The following STK35 variants were observed in gnomAD, a reference collection of about 807,000 sequenced individuals.
STK35 encodes serine/threonine kinase 35, also known as serine/threonine-protein kinase 35.
A neutral mutation model predicts 37.3 loss-of-function variants in STK35; 17 were observed. The ratio of observed to expected loss-of-function variants is 0.46; its 90% CI spans 0.31 to 0.68. The LOEUF is 0.68. Ranked by LOEUF, STK35 falls within the 30% of genes least tolerant of loss-of-function variation. STK35 has a pLI of 0.05. For synonymous variants in STK35, 385 were observed against 319.1 expected, an observed-to-expected ratio of 1.21 and a Z score of -2.20; for missense variants, 595 against 746.7, an observed-to-expected ratio of 0.80 and a Z score of 2.37.
At chr20:2,132,061 C>T (rs1388463720) in intron 3 of STK35, among the ~76,000 whole-genome samples, 1 of 151,992 alleles carries the variant, frequency 6.6e-6, no homozygotes, top group African/African-American at 2.4e-5. Context: ...CACCTGCATC[C>T]TAAGTATTGT....
intron 3 of STK35, among the ~76,000 whole-genome samples, chr20:2,126,442 G>A (rs556667444): frequency 3.9e-5 from 6 of 152,200 alleles, no homozygotes; most frequent in South Asian, 2.1e-4. Context: ...GGTGGGATGC[G>A]CAGGAGCCAC....
chr20:2,108,093 A>T (rs1985550352), intron 2 of STK35, among the ~76,000 whole-genome samples: 1 of 152,242 alleles, frequency 6.6e-6, no homozygotes, highest in African/African-American at 2.4e-5. Flanking sequence ...TCAAGGCCAG[A>T]CATTCAAACT....
intron 1 of STK35, 150 bp downstream of exon 1, chr20:2,102,325 G>T: frequency 9.0e-7 from 1 of 1,115,722 alleles, no homozygotes; most frequent in Non-Finnish European, 1.2e-6. Context: ...GTCGCCCTCG[G>T]GGACTTGGGT....
At chr20:2,126,699 C>A (rs1985912553) in intron 3 of STK35, among the ~76,000 whole-genome samples, 1 of 152,176 alleles carries the variant, frequency 6.6e-6, no homozygotes, top group Non-Finnish European at 1.5e-5. Flanking sequence ...TCTCCTCCAG[C>A]GTTTCTAGGA....
rs1357291697 is a variant in STK35, at chr20:2,148,543, G to A, written c.*4797G>A. Reference sequence around the variant, plus strand: ...TTTGATGGGGTCAAAGAAGCCATATGTGATTTGAAAAAGAGTGTTTTGTGG... The same window carrying A: ...TTTGATGGGGTCAAAGAAGCCATATATGATTTGAAAAAGAGTGTTTTGTGG... On this transcript the variant is annotated 3_prime_UTR_variant, in exon 4 of 4. Transcript: ENST00000381482. 2 of 152,674 alleles carry A rather than the reference G, an allele frequency of 1.3e-5. No individual in the cohort carries two copies. Among genetic ancestry groups the A allele is most frequent in the Non-Finnish European group, 2.9e-5 (2 of 68,048 alleles). 9.5% of individuals were successfully genotyped at this position (152,674 alleles called of 1,614,324 possible).
chr20:2,110,608 T>G (rs1319666964), intron 2 of STK35, among the ~76,000 whole-genome samples: 1 of 152,236 alleles, frequency 6.6e-6, no homozygotes, highest in Admixed American at 6.5e-5. Context: ...TTTTTGACAC[T>G]TTTGGAATGA....
At chr20:2,102,719 T>C in intron 1 of STK35, 49 bp from the exon 2 acceptor site, 2 of 1,357,234 alleles carry the variant, frequency 1.5e-6, no homozygotes, top group Non-Finnish European at 1.9e-6. Flanking sequence ...CCTACGCTCC[T>C]GGCCTCCCCG....
At chr20:2,122,705 A>G (rs527313968) in intron 3 of STK35, among the ~76,000 whole-genome samples, 1 of 152,352 alleles carries the variant, frequency 6.6e-6, no homozygotes, top group Non-Finnish European at 1.5e-5. Context: ...AAAGTGCCCT[A>G]TGTAAACAGT....
intron 3 of STK35, among the ~76,000 whole-genome samples, chr20:2,134,511 A>G (rs888787534): frequency 6.6e-6 from 1 of 152,184 alleles, no homozygotes; most frequent in East Asian, 1.9e-4. Context: ...CTTAATAAAT[A>G]AGGGGCCTAT....
At chr20:2,109,065 A>T (rs1246649181) in intron 2 of STK35, among the ~76,000 whole-genome samples, 2 of 152,182 alleles carry the variant, frequency 1.3e-5, no homozygotes, top group Non-Finnish European at 2.9e-5. Context: ...CTAGGTGTGC[A>T]TGTGGTATAC....
chr20:2,102,229 A>G, intron 1 of STK35, 54 bp downstream of exon 1: 5 of 1,369,394 alleles, frequency 3.7e-6, no homozygotes, highest in Non-Finnish European at 4.7e-6. Context: ...AGTTACTGCC[A>G]CTGCCTCCGC....
Position 2,102,972 on chromosome 20 carries a change from G to C in STK35, c.499G>C (p.Ala167Pro). ...PRAPSTKLRP[A>P]AAARAMDPVA... ...GGCGCCCAGCACGAAGCTGAGGCCG[G>C]CGGCGGCGGCCCGGGCCATGGATCC... The change falls in exon 2 of 4, where the codon GCG (alanine) becomes CCG (proline). Residue 167 changes from alanine to proline, a missense_variant. By Grantham distance (27) the Ala-to-Pro change is conservative (BLOSUM62 -1). Transcript: ENST00000381482. 2 of 1,423,570 alleles carry C rather than the reference G, an allele frequency of 1.4e-6. No individual in the cohort carries two copies. Among genetic ancestry groups the C allele is most frequent in the East Asian group, 3.0e-5 (1 of 33,220 alleles). 88.2% of individuals were successfully genotyped at this position (1,423,570 alleles called of 1,614,324 possible).
intron 3 of STK35, among the ~76,000 whole-genome samples, chr20:2,135,808 C>T (rs1436883379): frequency 6.6e-6 from 1 of 152,210 alleles, no homozygotes; most frequent in Non-Finnish European, 1.5e-5. Flanking sequence ...CGAGATTGCA[C>T]TGCTGCGCTC....
At chr20:2,112,170 A>G (rs1024081640) in intron 2 of STK35, among the ~76,000 whole-genome samples, 1 of 152,246 alleles carries the variant, frequency 6.6e-6, no homozygotes, top group South Asian at 2.1e-4. Context: ...GTAAAAATCT[A>G]GAGCATTTTG....
chr20:2,124,319 A>C (rs1421994789), intron 3 of STK35, among the ~76,000 whole-genome samples: 1 of 152,126 alleles, frequency 6.6e-6, no homozygotes, highest in Non-Finnish European at 1.5e-5. Context: ...AAGTAGAAGC[A>C]AGGAAGGTTC....
chr20:2,111,555 G>A (rs954173780), intron 2 of STK35, among the ~76,000 whole-genome samples: 5 of 152,038 alleles, frequency 3.3e-5, no homozygotes, highest in Non-Finnish European at 4.4e-5. Flanking sequence ...AAGAATAGCC[G>A]GGCGTGGTGG....
At chr20:2,141,150 GCTGTGTCTA>G (rs1986166397) in intron 3 of STK35, among the ~76,000 whole-genome samples, 1 of 152,212 alleles carries the variant, frequency 6.6e-6, no homozygotes, top group African/African-American at 2.4e-5. Flanking sequence ...AGGTTGATCT[GCTGTGTCTA>G]CGGAAAGCAC....
intron 3 of STK35, among the ~76,000 whole-genome samples, chr20:2,124,257 T>C (rs1985866665): frequency 6.6e-6 from 1 of 152,184 alleles, no homozygotes; most frequent in South Asian, 2.1e-4. Flanking sequence ...GTTCCTCTCC[T>C]ACTCTGCAAA....
chr20:2,108,743 C>T (rs1985563814), intron 2 of STK35, among the ~76,000 whole-genome samples: 1 of 152,154 alleles, frequency 6.6e-6, no homozygotes, highest in African/African-American at 2.4e-5. Context: ...GAGACAGAAG[C>T]AGCCCTTCCT....
Sources: allele counts gnomAD v4.1 joint callset (sites outside exome capture counted in the v4.1 genomes callset), GRCh38; gene constraint gnomAD v4.1.1; transcripts MANE v1.5; gene names NCBI Gene and HGNC (gene_info 2026-07-23, HGNC 2026-07-21).